The following NRXN3 variants were observed in gnomAD, a reference collection of about 807,000 sequenced individuals.
NRXN3 encodes the protein neurexin III.
A neutral mutation model predicts 137.6 loss-of-function variants in NRXN3; 32 were observed. The ratio of observed to expected loss-of-function variants is 0.23; its 90% CI spans 0.18 to 0.31. The LOEUF (loss-of-function observed/expected upper bound fraction) is 0.31. NRXN3 is among the 10% of genes least tolerant of loss of function. NRXN3 has a pLI of 1.00. For missense variants in NRXN3, 1,574 were observed against 2,062.5 expected, an observed-to-expected ratio of 0.76 and a Z score of 4.59; for synonymous variants, 798 against 784.5, an observed-to-expected ratio of 1.02 and a Z score of -0.29.
At chr14:79,191,668 T>C (rs2064336029) in intron 15 of NRXN3, among the ~76,000 whole-genome samples, 1 of 152,188 alleles carries the variant, frequency 6.6e-6, no homozygotes, top group Admixed American at 6.5e-5. Context: ...TTGCCAGGCA[T>C]GTGACATACG....
rs139057881 is a variant in NRXN3 at position 78,343,718 on chromosome 14, G to A, written c.757+45858G>A. On this transcript the variant is annotated intron_variant, in intron 4 of 20. Coordinates refer to ENST00000335750, the MANE Select transcript of NRXN3 (RefSeq NM_001330195.2). ...TGGTTAAAGCCAGAGACAAAGGGCA[G>A]GCAGCTGCCAGCACAAAACCTCCTC... Among the ~76,000 whole-genome samples, 3 of 152,290 alleles carry A rather than the reference G, an allele frequency of 2.0e-5. No individual in the cohort carries two copies. The East Asian group carries it at 5.8e-4, about 29-fold the overall frequency.
intron 7 of NRXN3, among the ~76,000 whole-genome samples, 155 bp from the exon 8 acceptor site, chr14:78,714,601 C>T (rs902505897): frequency 2.0e-5 from 3 of 152,186 alleles, no homozygotes; most frequent in African/African-American, 7.2e-5. Context: ...AAACGGCCTA[C>T]ATTGTCTTTT....
intron 4 of NRXN3, among the ~76,000 whole-genome samples, chr14:78,414,070 A>G (rs892777510): frequency 6.6e-6 from 1 of 152,162 alleles, no homozygotes; most frequent in African/African-American, 2.4e-5. Flanking sequence ...TTCTGCCATG[A>G]TAGTGAGGCC....
At chr14:79,050,145 C>T (rs1407892935) in intron 15 of NRXN3, among the ~76,000 whole-genome samples, 3 of 152,190 alleles carry the variant, frequency 2.0e-5, no homozygotes. Flanking sequence ...TGCCCTTCAT[C>T]TATGGGATTC....
Position 78,339,544 on chromosome 14 carries a change from A to C in NRXN3, c.757+41684A>C, listed in dbSNP as rs529196993. On this transcript the variant is annotated intron_variant, in intron 4 of 20. Coordinates refer to ENST00000335750, the MANE Select transcript of NRXN3 (RefSeq NM_001330195.2). ...TATTCTAGCCATAAGTGTGAGGAGA[A>C]AAAATAGCTTTGAGGTAAGGTGGTC... is the stretch of plus-strand genomic sequence containing the variant. Among the ~76,000 whole-genome samples the C allele has an allele frequency of 1.4e-4, 21 of 152,264 alleles. No homozygotes were observed. In the South Asian group the frequency reaches 3.7e-3, roughly 27 times the overall value.
At chr14:78,585,713 T>C (rs1467445769) in intron 4 of NRXN3, among the ~76,000 whole-genome samples, 1 of 152,100 alleles carries the variant, frequency 6.6e-6, no homozygotes, top group Non-Finnish European at 1.5e-5. Context: ...CCTGAGCACC[T>C]GGACTGATGA....
intron 4 of NRXN3, among the ~76,000 whole-genome samples, chr14:78,572,079 T>G (rs2096894993): frequency 6.6e-6 from 1 of 152,194 alleles, no homozygotes; most frequent in Non-Finnish European, 1.5e-5. Context: ...TCCTGCTTGC[T>G]TTTTCAAAGC....
chr14:78,707,076 C>T (rs986889262), intron 6 of NRXN3, among the ~76,000 whole-genome samples: 8 of 152,194 alleles, frequency 5.3e-5, no homozygotes, highest in Non-Finnish European at 8.8e-5. Flanking sequence ...CAATAACCCT[C>T]CAAATAGCTG....
chr14:78,207,565 A>C (rs562431960), intron 1 of NRXN3, among the ~76,000 whole-genome samples: 44 of 152,286 alleles, frequency 2.9e-4, no homozygotes, highest in African/African-American at 1.1e-3. Flanking sequence ...TTGAATCCAT[A>C]GTAAGTTGAG....
At chr14:78,696,724 G>C (rs2098229898) in intron 6 of NRXN3, among the ~76,000 whole-genome samples, 1 of 151,966 alleles carries the variant, frequency 6.6e-6, no homozygotes, top group African/African-American at 2.4e-5. Context: ...TATTAATAGT[G>C]CCTCCTTCTT....
At chr14:79,620,956 A>G (rs1324341348) in intron 16 of NRXN3, among the ~76,000 whole-genome samples, 2 of 152,146 alleles carry the variant, frequency 1.3e-5, no homozygotes, top group Non-Finnish European at 2.9e-5. Flanking sequence ...AGAAAAGTAA[A>G]GGCACAGTAA....
intron 15 of NRXN3, among the ~76,000 whole-genome samples, chr14:79,151,347 C>T (rs1031399520): frequency 5.9e-5 from 9 of 152,034 alleles, no homozygotes; most frequent in Non-Finnish European, 1.0e-4. Context: ...CTGCAAAGAA[C>T]ATTCTTGGGG....
chr14:78,978,801 A>C (rs2099479439), intron 14 of NRXN3, among the ~76,000 whole-genome samples: 2 of 149,518 alleles, frequency 1.3e-5, no homozygotes, highest in Admixed American at 6.7e-5. Flanking sequence ...ATACATATGT[A>C]TAAAAATAGG....
intron 16 of NRXN3, among the ~76,000 whole-genome samples, chr14:79,618,206 G>A (rs1315928459): frequency 2.0e-5 from 3 of 151,808 alleles, no homozygotes; most frequent in Non-Finnish European, 4.4e-5. Context: ...TATTTTTAAT[G>A]CTTATTTAAG....
At chr14:78,517,906 C>G (rs1279667094) in intron 4 of NRXN3, among the ~76,000 whole-genome samples, 1 of 152,076 alleles carries the variant, frequency 6.6e-6, no homozygotes, top group Non-Finnish European at 1.5e-5. Flanking sequence ...GTTGTCACTC[C>G]TCATGTATTT....
intron 4 of NRXN3, among the ~76,000 whole-genome samples, chr14:78,319,427 A>G (rs2079071887): frequency 6.6e-6 from 1 of 152,158 alleles, no homozygotes; most frequent in Admixed American, 6.5e-5. Context: ...ACTCCTCTTC[A>G]TGCTCCTAAA....
At chr14:79,186,932 G>A (rs972163716) in intron 15 of NRXN3, among the ~76,000 whole-genome samples, 1 of 152,110 alleles carries the variant, frequency 6.6e-6, no homozygotes, top group African/African-American at 2.4e-5. Context: ...CATCGATTCT[G>A]GCATTTTTCT....
At chr14:78,533,819 A>C (rs1265712568) in intron 4 of NRXN3, among the ~76,000 whole-genome samples, 1 of 152,240 alleles carries the variant, frequency 6.6e-6, no homozygotes, top group African/African-American at 2.4e-5. Flanking sequence ...AGTACCATGC[A>C]TATGGCCACT....
In NRXN3 at chr14:79,766,356, C is replaced by A. The variant is rs1333108166; in HGVS notation, c.4015-38756C>A. 2.6e-5 allele frequency among the ~76,000 whole-genome samples: 4 copies of A among 152,198 alleles called. No homozygotes were observed. In the East Asian group the frequency reaches 7.7e-4, roughly 29 times the overall value. On this transcript the variant is annotated intron_variant, in intron 19 of 20. Coordinates refer to ENST00000335750, the MANE Select transcript of NRXN3 (RefSeq NM_001330195.2). Reference sequence around the variant, plus strand: ...CATGTCATGTGGCTAACGATTCATGCCAAAGGTTGTCCGCATCTTATGTAT... The same window carrying A: ...CATGTCATGTGGCTAACGATTCATGACAAAGGTTGTCCGCATCTTATGTAT...
Sources: allele counts gnomAD v4.1 joint callset (sites outside exome capture counted in the v4.1 genomes callset), GRCh38; gene constraint gnomAD v4.1.1; transcripts MANE v1.5; gene names NCBI Gene and HGNC (gene_info 2026-07-23, HGNC 2026-07-21).